DEPDC1B: variants seen among roughly 807,000 people sequenced by gnomAD.
DEPDC1B encodes DEP domain-containing protein 1B.
DEPDC1B carries 51 observed loss-of-function variants against 66.5 expected under a neutral mutation model. The observed-to-expected ratio is 0.77, with a 90% CI of 0.61 to 0.97. The LOEUF is 0.97. DEPDC1B is among the 50% of genes least tolerant of loss of function. The pLI is 0.00. For missense variants in DEPDC1B, 552 were observed against 637.1 expected (o/e 0.87, Z 1.44); for synonymous variants, 226 against 223.6 (o/e 1.01, Z -0.10).
At chr5:60,636,409 A>G (rs1753045152) in intron 7 of DEPDC1B, among the ~76,000 whole-genome samples, 1 of 152,208 alleles carries the variant, frequency 6.6e-6, no homozygotes, top group Non-Finnish European at 1.5e-5. Flanking sequence ...ACCTCAAAAG[A>G]AGTTTATTAA....
intron 7 of DEPDC1B, among the ~76,000 whole-genome samples, chr5:60,621,431 A>AACGGTTT (rs762563342): frequency 1.3e-5 from 2 of 152,134 alleles, no homozygotes; most frequent in Non-Finnish European, 2.9e-5. Flanking sequence ...ATTCTCAGCA[A>AACGGTTT]ACTATCGCAG....
intron 2 of DEPDC1B, among the ~76,000 whole-genome samples, chr5:60,663,901 T>C (rs541027596): frequency 1.3e-5 from 2 of 152,342 alleles, no homozygotes; most frequent in African/African-American, 4.8e-5. Context: ...GGGCCCTCAG[T>C]GAGGAATGTA....
At chr5:60,683,888 T>C (rs1754353079) in intron 2 of DEPDC1B, among the ~76,000 whole-genome samples, 1 of 151,962 alleles carries the variant, frequency 6.6e-6, no homozygotes, top group Non-Finnish European at 1.5e-5. Flanking sequence ...AATTCAGAAC[T>C]GATAAATTCA....
At chr5:60,688,318 G>A (rs1379017966) in intron 1 of DEPDC1B, among the ~76,000 whole-genome samples, 1 of 152,096 alleles carries the variant, frequency 6.6e-6, no homozygotes, top group Admixed American at 6.6e-5. Flanking sequence ...GTTTAAGTGT[G>A]CATGACATCT....
chr5:60,667,960 T>TAA (rs1554054976), intron 2 of DEPDC1B, among the ~76,000 whole-genome samples: 1 of 114,672 alleles, frequency 8.7e-6, no homozygotes, highest in South Asian at 3.2e-4. Flanking sequence ...TTTATATATA[T>TAA]AATGGATATT....
chr5:60,617,772 T>C (rs1429152665), intron 7 of DEPDC1B, among the ~76,000 whole-genome samples: 7 of 152,134 alleles, frequency 4.6e-5, no homozygotes, highest in African/African-American at 2.4e-5. Flanking sequence ...TGAACTCAGC[T>C]CTGCACCAAG....
At chr5:60,673,562 C>G (rs1281193116) in intron 2 of DEPDC1B, among the ~76,000 whole-genome samples, 1 of 152,184 alleles carries the variant, frequency 6.6e-6, no homozygotes, top group Non-Finnish European at 1.5e-5. Context: ...CTTAAGCTGA[C>G]TGTGCTTCCT....
chr5:60,680,341 T>C (rs1754270095), intron 2 of DEPDC1B, among the ~76,000 whole-genome samples: 1 of 152,242 alleles, frequency 6.6e-6, no homozygotes. Flanking sequence ...TCAGATATTA[T>C]GAACTTGCTT....
At chr5:60,641,470 G>A (rs1417650475) in intron 6 of DEPDC1B, among the ~76,000 whole-genome samples, 9 of 150,888 alleles carry the variant, frequency 6.0e-5, no homozygotes, top group African/African-American at 1.2e-4. Flanking sequence ...GACTACAGGC[G>A]CCCGCCACCA....
At chr5:60,616,649 A>G (rs1346935402) in intron 7 of DEPDC1B, among the ~76,000 whole-genome samples, 3 of 152,250 alleles carry the variant, frequency 2.0e-5, no homozygotes, top group Non-Finnish European at 2.9e-5. Flanking sequence ...AAAAGACCAA[A>G]TCTATATCTG....
At chr5:60,677,744 G>T (rs1242523333) in intron 2 of DEPDC1B, among the ~76,000 whole-genome samples, 1 of 152,052 alleles carries the variant, frequency 6.6e-6, no homozygotes, top group Non-Finnish European at 1.5e-5. Flanking sequence ...TCACTTTGTT[G>T]CCCTGTCAGT....
rs1238779062 is a variant in DEPDC1B at position 60,647,475 on chromosome 5, C to T, written c.373G>A (p.Val125Ile). The T allele has an allele frequency of 1.9e-6, 3 of 1,612,918 alleles. No homozygotes were observed. Among genetic ancestry groups the T allele is most frequent in the South Asian group, 1.1e-5 (1 of 90,910 alleles). The change falls in exon 3 of 11, where the codon GTT (valine) becomes ATT (isoleucine). Residue 125 changes from valine to isoleucine, a missense_variant. Transcript: ENST00000265036. ...YPKKPPNQKD[V>I]IKFPEWNDLP... is the part of the protein sequence containing the mutation. ...TCATTCCATTCTGGAAATTTAATAA[C>T]ATCCTTTTGGTTTGGGGGCTTCTTT...
At position 60,664,516 on chromosome 5, in the gene DEPDC1B, A is replaced by C. The variant is rs572173385; in HGVS notation, c.315-16983T>G. ...CTTGTGCAACTCTTAACCCAGCCAC[A>C]TTTCTTCCAGACAATGAAGAAAAGA... is the stretch of plus-strand genomic sequence containing the variant. On this transcript the variant is annotated intron_variant, in intron 2 of 10. Coordinates refer to ENST00000265036, the MANE Select transcript of DEPDC1B (RefSeq NM_018369.3). Among the ~76,000 whole-genome samples the C allele has an allele frequency of 2.6e-5, 4 of 152,326 alleles. No individual in the cohort carries two copies. The South Asian group carries it at 8.3e-4, about 32-fold the overall frequency.
In DEPDC1B at chr5:60,682,480, C is replaced by T. The variant is rs1038554856; in HGVS notation, c.314+4482G>A. Among the ~76,000 whole-genome samples, 5 of 151,908 alleles carry T rather than the reference C, an allele frequency of 3.3e-5. No individual in the cohort carries two copies. The East Asian group carries it at 7.7e-4, about 24-fold the overall frequency. On this transcript the variant is annotated intron_variant, in intron 2 of 10. Coordinates refer to ENST00000265036, the MANE Select transcript of DEPDC1B (RefSeq NM_018369.3). ...TGTATACATATGTAACAAACCTGCA[C>T]GTTGTGCACATGCACCCTAAAACTT...
intron 2 of DEPDC1B, among the ~76,000 whole-genome samples, chr5:60,651,598 T>C (rs1209703777): frequency 6.6e-6 from 1 of 151,640 alleles, no homozygotes; most frequent in African/African-American, 2.4e-5. Flanking sequence ...TCCAGTAAGT[T>C]TGACATAGTT....
At chr5:60,649,477 T>C (rs1753393444) in intron 2 of DEPDC1B, among the ~76,000 whole-genome samples, 4 of 149,154 alleles carry the variant, frequency 2.7e-5, no homozygotes, top group Admixed American at 2.0e-4. Flanking sequence ...CAACTTTGTC[T>C]GAGAAAAAAT....
chr5:60,687,802 A>G (rs1754457195), intron 1 of DEPDC1B: 2 of 213,898 alleles, frequency 9.4e-6, no homozygotes, highest in Non-Finnish European at 1.9e-5. Flanking sequence ...CTGGAATTAC[A>G]GGAGTGAGCC....
At chr5:60,659,953 C>T (rs1753669932) in intron 2 of DEPDC1B, among the ~76,000 whole-genome samples, 1 of 152,146 alleles carries the variant, frequency 6.6e-6, no homozygotes, top group East Asian at 1.9e-4. Flanking sequence ...CTGTTCCCCA[C>T]CACCCTTGCA....
chr5:60,632,305 T>G (rs985052672), intron 7 of DEPDC1B, among the ~76,000 whole-genome samples: 3 of 152,160 alleles, frequency 2.0e-5, no homozygotes, highest in Admixed American at 1.3e-4. Context: ...CCAAATCGGC[T>G]GCCAGGCATC....
Sources: gnomAD v4.1 joint callset for allele counts (sites outside exome capture counted in the v4.1 genomes callset) on GRCh38, gnomAD v4.1.1 for gene constraint, MANE v1.5 for transcripts, NCBI Gene and HGNC (gene_info 2026-07-23, HGNC 2026-07-21) for gene names.